The following SRR variants were observed in gnomAD, a reference collection of about 807,000 sequenced individuals.
SRR encodes serine racemase.
SRR carries 19 observed loss-of-function variants against 32.7 expected under a neutral mutation model. That is an observed-to-expected ratio of 0.58 (90% CI 0.40 to 0.85). SRR has a LOEUF of 0.85. Ranked by LOEUF, SRR falls within the 40% of genes least tolerant of loss-of-function variation. The probability of loss-of-function intolerance (pLI) is 0.00; values close to 1 mark genes in which losing one functional copy is unlikely to be tolerated. For missense variants in SRR, 373 were observed against 404.7 expected, an observed-to-expected ratio of 0.92 and a Z score of 0.67; for synonymous variants, 142 against 140.9, an observed-to-expected ratio of 1.01 and a Z score of -0.06.
At position 2,324,494 on chromosome 17, in the gene SRR, G is replaced by A. The variant is rs1395360094; in HGVS notation, c.*621G>A. On this transcript the variant is annotated 3_prime_UTR_variant, in exon 8 of 8. Coordinates refer to ENST00000344595, the MANE Select transcript of SRR (RefSeq NM_021947.3). ...ATGCAGACATGGTCTCAAATCCCGT[G>A]TTTCCTTACCTAAAGGTTCCTTGAT... 4 of 1,614,156 alleles carry A rather than the reference G, an allele frequency of 2.5e-6. No homozygotes were observed. Among genetic ancestry groups the A allele is most frequent in the South Asian group, 1.1e-5 (1 of 91,080 alleles).
chr17:2,315,240 C>CA (rs397856755), intron 1 of SRR: 3,406 of 60,342 alleles, frequency 0.056, 58 homozygotes, highest in East Asian at 0.14. Flanking sequence ...GACTCCGTCT[C>CA]AAAAAAAAAA....
intron 6 of SRR, chr17:2,322,515 T>G (rs1386481667): frequency 6.6e-6 from 1 of 152,356 alleles, no homozygotes; most frequent in African/African-American, 2.4e-5. Context: ...TTCTTTTTTT[T>G]TTTGAGACGG....
chr17:2,313,659 C>T (rs2075449602), intron 1 of SRR, among the ~76,000 whole-genome samples: 1 of 151,966 alleles, frequency 6.6e-6, no homozygotes, highest in African/African-American at 2.4e-5. Flanking sequence ...TTGCTTGAAC[C>T]CAGGAGGCAG....
At chr17:2,305,175 A>T (rs1409320288) in intron 1 of SRR, among the ~76,000 whole-genome samples, 1 of 152,262 alleles carries the variant, frequency 6.6e-6, no homozygotes, top group East Asian at 1.9e-4. Flanking sequence ...GAACCATTTG[A>T]GTGGTCAGAG....
At chr17:2,304,260 T>C (rs928136354) in intron 1 of SRR, among the ~76,000 whole-genome samples, 8 of 150,216 alleles carry the variant, frequency 5.3e-5, no homozygotes, top group Non-Finnish European at 1.0e-4. Context: ...TTCCCTTTTT[T>C]TTTTAGTTGG....
chr17:2,323,936 A>G lies in SRR; in HGVS notation c.*63A>G, dbSNP rs982460553. ...AGATACTGAAGACATTTTGTTTCCTAGTATTGTCAACTCTTAGTTATCAGA... is the reference window on the plus strand; with the variant it reads ...AGATACTGAAGACATTTTGTTTCCTGGTATTGTCAACTCTTAGTTATCAGA... On this transcript the variant is annotated 3_prime_UTR_variant, in exon 8 of 8. Coordinates refer to ENST00000344595, the MANE Select transcript of SRR (RefSeq NM_021947.3). 12 of 1,439,232 alleles carry G rather than the reference A, an allele frequency of 8.3e-6. No homozygotes were observed. The highest frequency in any genetic ancestry group is 1.2e-5 in the Non-Finnish European group (12 of 1,037,448). 89.2% of individuals were successfully genotyped at this position (1,439,232 alleles called of 1,614,324 possible).
At chr17:2,315,855 G>T in intron 2 of SRR, 127 bp downstream of exon 2, 1 of 982,252 alleles carries the variant, frequency 1.0e-6, no homozygotes, top group Non-Finnish European at 1.4e-6. Context: ...TGGAAAAAAG[G>T]TTACAGAAAT....
chr17:2,313,719 G>A (rs1449145087), intron 1 of SRR, among the ~76,000 whole-genome samples: 1 of 152,034 alleles, frequency 6.6e-6, no homozygotes, highest in Non-Finnish European at 1.5e-5. Flanking sequence ...CTGGGTGACA[G>A]TGAAACTCCA....
At chr17:2,323,112 A>G in intron 6 of SRR, 24 bp from the exon 7 acceptor site, 5 of 1,611,792 alleles carry the variant, frequency 3.1e-6, no homozygotes, top group Non-Finnish European at 4.2e-6. Flanking sequence ...TGTTGTTAAG[A>G]TGTCTTAATA....
At position 2,324,202 on chromosome 17, in the gene SRR, C is replaced by T; in HGVS notation, c.*329C>T. Reference sequence around the variant, plus strand: ...CAGAATCTCTTTGAATCCATTACTCCATGCCCCCTTGAGGCACTGTTGAAG... The same window carrying T: ...CAGAATCTCTTTGAATCCATTACTCTATGCCCCCTTGAGGCACTGTTGAAG... On this transcript the variant is annotated 3_prime_UTR_variant, in exon 8 of 8. Coordinates refer to ENST00000344595, the MANE Select transcript of SRR (RefSeq NM_021947.3). The T allele has an allele frequency of 1.3e-6, 2 of 1,520,444 alleles. No homozygotes were observed. The highest frequency in any genetic ancestry group is 8.8e-7 in the Non-Finnish European group (1 of 1,138,914). 94.2% of individuals were successfully genotyped at this position (1,520,444 alleles called of 1,614,324 possible). A position where few individuals can be genotyped will look rare whatever the true frequency, so the allele number is the denominator to read the frequency against.
rs762549543 is a variant in SRR, at chr17:2,318,018, TG to T, written c.295+25del. Reference sequence around the variant, plus strand: ...GAAGGTACTTGATTTCTCAAGGTACTGGGTAGATCTTCAGAAAGGAGTGGAA... The same window carrying T: ...GAAGGTACTTGATTTCTCAAGGTACTGGTAGATCTTCAGAAAGGAGTGGAA... On this transcript the variant is annotated intron_variant, in intron 3 of 7. Transcript: ENST00000344595. 20 of 1,583,146 alleles carry T rather than the reference TG, an allele frequency of 1.3e-5. No individual in the cohort carries two copies. The South Asian group carries it at 2.3e-4, about 18-fold the overall frequency.
chr17:2,315,864 A>G, intron 2 of SRR, 136 bp downstream of exon 2: 1 of 915,472 alleles, frequency 1.1e-6, no homozygotes, highest in Middle Eastern at 3.4e-4. Context: ...GGTTACAGAA[A>G]TTTTCCTTTC....
In SRR at chr17:2,323,807, A is replaced by G. The variant is rs1186124146; in HGVS notation, c.957A>G (p.Leu319=). 6.2e-7 allele frequency: 1 copy of G among 1,614,194 alleles called. No homozygotes were observed. Residue 319 remains leucine, a synonymous_variant, in exon 8 of 8, where the codon TTA becomes TTG. Coordinates refer to ENST00000344595, the MANE Select transcript of SRR (RefSeq NM_021947.3). ...CIVLSGGNVD[L]TSSITWVKQA... ...TGCTCAGTGGTGGAAATGTAGACTT[A>G]ACCTCCTCCATAACTTGGGTGAAGC... is the stretch of plus-strand genomic sequence containing the variant.
intron 6 of SRR, 77 bp downstream of exon 6, chr17:2,321,693 T>C (rs2151436745): frequency 7.4e-7 from 1 of 1,344,634 alleles, no homozygotes; most frequent in East Asian, 2.3e-5. Flanking sequence ...ATACACGTGC[T>C]CAACATTCTG....
chr17:2,311,665 T>A (rs1174137613), intron 1 of SRR, among the ~76,000 whole-genome samples: 1 of 152,062 alleles, frequency 6.6e-6, no homozygotes, highest in African/African-American at 2.4e-5. Context: ...TCCAATTCAT[T>A]TATACATCTT....
intron 4 of SRR, among the ~76,000 whole-genome samples, chr17:2,320,918 T>C (rs1489146349): frequency 6.6e-6 from 1 of 152,214 alleles, no homozygotes; most frequent in Non-Finnish European, 1.5e-5. Flanking sequence ...TACTAACCTT[T>C]TTAGCTGTTC....
At chr17:2,317,699 A>G (rs552426619) in intron 2 of SRR, among the ~76,000 whole-genome samples, 171 bp from the exon 3 acceptor site, 1 of 152,090 alleles carries the variant, frequency 6.6e-6, no homozygotes, top group Non-Finnish European at 1.5e-5. Context: ...CGGAGACTCC[A>G]TCTCAAAAAA....
chr17:2,303,547 G>A (rs996512112), upstream of SRR: 7 of 1,345,072 alleles, frequency 5.2e-6, no homozygotes, highest in South Asian at 5.5e-5. Flanking sequence ...CTCCGGAGCC[G>A]AGGGCCGAGC....
chr17:2,308,578 G>C (rs1390296666), intron 1 of SRR, among the ~76,000 whole-genome samples: 1 of 152,098 alleles, frequency 6.6e-6, no homozygotes, highest in African/African-American at 2.4e-5. Context: ...AAAATTTTTG[G>C]CTGGGCACGG....
Sources: allele counts gnomAD v4.1 joint callset (sites outside exome capture counted in the v4.1 genomes callset), GRCh38; gene constraint gnomAD v4.1.1; transcripts MANE v1.5; gene names NCBI Gene and HGNC (gene_info 2026-07-23, HGNC 2026-07-21).